UNC13B: variants seen among roughly 807,000 people sequenced by gnomAD.
UNC13B encodes the protein unc-13 homolog B.
A neutral mutation model predicts 211.0 loss-of-function variants in UNC13B; 144 were observed. The observed-to-expected ratio is 0.68, with a 90% CI of 0.60 to 0.78. The LOEUF (loss-of-function observed/expected upper bound fraction) is 0.78, where lower values mean the gene tolerates loss of function less well. UNC13B is among the 30% of genes least tolerant of loss of function. The pLI, the probability that UNC13B is intolerant of heterozygous loss-of-function variation, is 0.00. For synonymous variants in UNC13B, 709 were observed against 725.8 expected, an observed-to-expected ratio of 0.98 and a Z score of 0.37; for missense variants, 1,777 against 2,002.0, an observed-to-expected ratio of 0.89 and a Z score of 2.14.
At chr9:35,382,202 C>A (rs12343687) in intron 20 of UNC13B, among the ~76,000 whole-genome samples, 155 bp from the exon 21 acceptor site, 3,925 of 152,254 alleles carry the variant, frequency 0.026, 179 homozygotes, top group African/African-American at 0.088. Context: ...AGTGAGGCTG[C>A]CCCTAGAGCT....
chr9:35,321,319 C>A (rs913630821), intron 11 of UNC13B, among the ~76,000 whole-genome samples: 5 of 152,106 alleles, frequency 3.3e-5, no homozygotes, highest in African/African-American at 1.2e-4. Flanking sequence ...CTTCCAGGCT[C>A]AAGTGATCCT....
At chr9:35,293,591 G>T (rs1829199560) in intron 7 of UNC13B, among the ~76,000 whole-genome samples, 1 of 152,092 alleles carries the variant, frequency 6.6e-6, no homozygotes, top group African/African-American at 2.4e-5. Context: ...TCTTTCTGTG[G>T]GTTCAGAAAG....
rs1587775198 is a variant in UNC13B at position 35,398,469 on chromosome 9, G to A, written c.11833-85G>A. On this transcript the variant is annotated intron_variant, in intron 31 of 39. Transcript: ENST00000635942. The stretch of plus-strand genomic sequence containing the variant: ...GAGGGAGGAATAGGCACTGGGGTAA[G>A]CCCTGCAAGGAAGTAGTAGGGGTGT... 8.4e-6 allele frequency: 12 copies of A among 1,436,616 alleles called. No homozygotes were observed. In the East Asian group the frequency reaches 2.5e-4, roughly 30 times the overall value. 89.0% of individuals were successfully genotyped at this position (1,436,616 alleles called of 1,614,324 possible).
At chr9:35,287,528 C>T (rs1828868032) in intron 7 of UNC13B, among the ~76,000 whole-genome samples, 1 of 152,222 alleles carries the variant, frequency 6.6e-6, no homozygotes, top group Admixed American at 6.5e-5. Flanking sequence ...CCTCCTCCTC[C>T]TTCTCTTCCT....
chr9:35,399,515 C>T (rs1414822636), intron 35 of UNC13B, 67 bp downstream of exon 35: 18 of 1,609,072 alleles, frequency 1.1e-5, no homozygotes, highest in South Asian at 5.5e-5. Flanking sequence ...AGGGTGGCTG[C>T]GGGGAAGGAA....
chr9:35,354,683 T>C (rs1191297002), intron 11 of UNC13B, among the ~76,000 whole-genome samples: 1 of 152,240 alleles, frequency 6.6e-6, no homozygotes, highest in Non-Finnish European at 1.5e-5. Context: ...TAAATGGGGT[T>C]GTCCTCTTAT....
chr9:35,186,238 T>C (rs1176604889), intron 1 of UNC13B, among the ~76,000 whole-genome samples: 1 of 152,146 alleles, frequency 6.6e-6, no homozygotes, highest in African/African-American at 2.4e-5. Context: ...TCACCACCTA[T>C]TCTCTCTGAA....
intron 17 of UNC13B, 51 bp downstream of exon 17, chr9:35,378,487 C>T: frequency 6.2e-7 from 1 of 1,608,796 alleles, no homozygotes; most frequent in Non-Finnish European, 8.5e-7. Context: ...ATTGGGGGAG[C>T]AGGATCACAT....
intron 11 of UNC13B, among the ~76,000 whole-genome samples, chr9:35,328,993 G>C (rs748999425): frequency 1.3e-5 from 2 of 151,594 alleles, no homozygotes; most frequent in Admixed American, 6.6e-5. Flanking sequence ...AGATGGTCTC[G>C]ATCTCCTGAC....
intron 11 of UNC13B, among the ~76,000 whole-genome samples, chr9:35,315,301 G>A (rs1185481259): frequency 1.3e-5 from 2 of 152,076 alleles, no homozygotes. Context: ...TTGGCTGTCA[G>A]TAGTATAATA....
At position 35,381,185 on chromosome 9, in the gene UNC13B, A is replaced by G. The variant is rs1394926952; in HGVS notation, c.10461A>G (p.Pro3487=). 6.2e-7 allele frequency: 1 copy of G among 1,614,000 alleles called. No individual in the cohort carries two copies. Among genetic ancestry groups the G allele is most frequent in the African/African-American group, 1.3e-5 (1 of 74,936 alleles). Residue 3487 remains proline, a synonymous_variant, in exon 19 of 40, where the codon CCA becomes CCG. Transcript: ENST00000635942. ...VEIKGEEKVA[P]YHVQYTCLHE... ...TCAAGGGGGAGGAGAAAGTAGCCCC[A>G]TACCACGTGCAGTATACATGTCTCC...
rs368422905 is a variant in UNC13B, at chr9:35,364,784, A to G, written c.9415-2163A>G. ...TGTGTGCTCCTGCAGATATCCCTGG[A>G]GCACACTGCGAGAATGTGTGTGCAC... On this transcript the variant is annotated intron_variant, in intron 11 of 39. Transcript: ENST00000635942. Among the ~76,000 whole-genome samples, 8 of 152,172 alleles carry G rather than the reference A, an allele frequency of 5.3e-5. No individual in the cohort carries two copies. The East Asian group carries it at 7.7e-4, about 15-fold the overall frequency.
At chr9:35,314,072 AT>A (rs1830325476) in intron 11 of UNC13B, 83 bp downstream of exon 11, 1 of 1,091,430 alleles carries the variant, frequency 9.2e-7, no homozygotes, top group Non-Finnish European at 1.4e-6. Context: ...GCAATCAGTG[AT>A]TAGTCATCTT....
intron 7 of UNC13B, among the ~76,000 whole-genome samples, chr9:35,270,315 TTCTC>T (rs901031268): frequency 3.2e-4 from 47 of 146,094 alleles, no homozygotes; most frequent in Non-Finnish European, 4.5e-4. Context: ...CTTTCATATA[TTCTC>T]TCTCTCTCTA....
At chr9:35,397,348 C>T (rs1835952564) in intron 29 of UNC13B, 38 bp downstream of exon 29, 2 of 1,607,128 alleles carry the variant, frequency 1.2e-6, no homozygotes, top group East Asian at 2.2e-5. Flanking sequence ...CCCTTACCAC[C>T]ACCACACTCA....
At chr9:35,389,821 C>G (rs765350780) in intron 24 of UNC13B, 25 bp from the exon 25 acceptor site, 1 of 1,613,568 alleles carries the variant, frequency 6.2e-7, no homozygotes, top group Non-Finnish European at 8.5e-7. Context: ...TTCTCCCTCT[C>G]TCTCACTGTG....
intron 1 of UNC13B, among the ~76,000 whole-genome samples, chr9:35,225,016 T>G (rs1824754289): frequency 6.6e-6 from 1 of 151,944 alleles, no homozygotes; most frequent in Non-Finnish European, 1.5e-5. Flanking sequence ...CTCAAAAAAT[T>G]ACACATTAAA....
At chr9:35,215,038 G>A (rs866373296) in intron 1 of UNC13B, among the ~76,000 whole-genome samples, 1 of 152,128 alleles carries the variant, frequency 6.6e-6, no homozygotes, top group Non-Finnish European at 1.5e-5. Flanking sequence ...TCTGGAAGAG[G>A]GAAATTGAAA....
intron 1 of UNC13B, among the ~76,000 whole-genome samples, chr9:35,168,855 T>C (rs1053128235): frequency 6.6e-6 from 1 of 151,956 alleles, no homozygotes. Flanking sequence ...GGCTTTCTTG[T>C]AGAGACAGGG....
Sources: allele counts gnomAD v4.1 joint callset (sites outside exome capture counted in the v4.1 genomes callset), GRCh38; gene constraint gnomAD v4.1.1; transcripts MANE v1.5; gene names NCBI Gene and HGNC (gene_info 2026-07-23, HGNC 2026-07-21).